Variants in NAV1 observed in about 807,000 individuals in gnomAD.
The protein encoded by NAV1 is neuron navigator 1, also known as pore membrane and/or filament interacting like protein 3.
In NAV1, 18 loss-of-function variants were observed where a neutral mutation model predicts 175.2. That is an observed-to-expected ratio of 0.10 (90% CI 0.07 to 0.15). NAV1 has a LOEUF of 0.15. Among genes scored for constraint, NAV1 ranks in the 10% least tolerant of loss-of-function variants. The pLI is 1.00. For synonymous variants in NAV1, 897 were observed against 978.7 expected (o/e 0.92, Z 1.56); for missense variants, 1,731 against 2,436.6 (o/e 0.71, Z 6.10).
At chr1:201,547,940 C>T (rs535386988) in intron 1 of NAV1, among the ~76,000 whole-genome samples, 118 of 152,064 alleles carry the variant, frequency 7.8e-4, no homozygotes, top group Non-Finnish European at 1.4e-3. Context: ...ATTACGGGCA[C>T]CTGCCACCAT....
At chr1:201,804,400 G>A in intron 16 of NAV1, 89 bp from the exon 21 acceptor site, 1 of 1,339,574 alleles carries the variant, frequency 7.5e-7, no homozygotes, top group Non-Finnish European at 1.0e-6. Context: ...AATGCAGACA[G>A]GTACCAGCTG....
At chr1:201,603,408 G>T (rs750042098) in intron 2 of NAV1, among the ~76,000 whole-genome samples, 1 of 152,208 alleles carries the variant, frequency 6.6e-6, no homozygotes, top group Non-Finnish European at 1.5e-5. Flanking sequence ...AGGAATGGTT[G>T]TTGTACGTTT....
Position 201,642,706 on chromosome 1 carries a change from C to CTTTG in NAV1, c.5-5925_5-5924insGTTT, listed in dbSNP as rs1472461837. Reference sequence around the variant, plus strand: ...TTTCTTCCCTTTCTTCTCTCTCTTTCTTTCTTTCTTTCTTCCCTTCCTTCC... The same window carrying CTTTG: ...TTTCTTCCCTTTCTTCTCTCTCTTTCTTTGTTTCTTTCTTTCTTCCCTTCCTTCC... On this transcript the variant is annotated intron_variant, in intron 2 of 29. Coordinates refer to the NAV1 transcript ENST00000367302. Among the ~76,000 whole-genome samples the CTTTG allele has an allele frequency of 7.4e-3, 1,033 of 139,038 alleles. 12 individuals are homozygous for CTTTG. The highest frequency in any genetic ancestry group is 0.026 in the African/African-American group (970 of 36,922). The allele number at this position is 139,038 out of a possible 152,430, so 91.2% of individuals were successfully genotyped here. A position where few individuals can be genotyped will look rare whatever the true frequency, so the allele number is the denominator to read the frequency against.
At chr1:201,658,824 G>C (rs1174309233) in intron 1 of NAV1, among the ~76,000 whole-genome samples, 1 of 152,226 alleles carries the variant, frequency 6.6e-6, no homozygotes, top group Non-Finnish European at 1.5e-5. Context: ...AGCCTATGCA[G>C]TGCCCACATG....
chr1:201,659,279 C>T (rs568459522), intron 1 of NAV1, among the ~76,000 whole-genome samples: 2 of 152,208 alleles, frequency 1.3e-5, no homozygotes, highest in South Asian at 2.1e-4. Context: ...CTGAAGGAGC[C>T]GGAAGTTGGG....
chr1:201,650,388 G>A (rs1240833962), intron 1 of NAV1, among the ~76,000 whole-genome samples: 1 of 152,234 alleles, frequency 6.6e-6, no homozygotes, highest in Non-Finnish European at 1.5e-5. Context: ...GGGCCCTCTT[G>A]GGGCCACGGA....
chr1:201,603,123 C>G (rs573847413), intron 2 of NAV1, among the ~76,000 whole-genome samples: 36 of 152,296 alleles, frequency 2.4e-4, no homozygotes, highest in African/African-American at 6.0e-4. Flanking sequence ...AGTTAAATTG[C>G]TCTCTGAGTA....
At chr1:201,822,349 C>A (rs539242550) in exon 30 of NAV1, 2 of 152,782 alleles carry the variant, frequency 1.3e-5, no homozygotes, top group South Asian at 4.1e-4. Context: ...TAAACCCTAT[C>A]CTAAGCTCCA....
chr1:201,552,747 G>C (rs1484078916), intron 1 of NAV1, among the ~76,000 whole-genome samples: 1 of 152,136 alleles, frequency 6.6e-6, no homozygotes, highest in Non-Finnish European at 1.5e-5. Flanking sequence ...ATAAATCCTT[G>C]ATCCACCGAA....
chr1:201,586,581 G>A (rs1050716331), intron 1 of NAV1, among the ~76,000 whole-genome samples: 4 of 152,060 alleles, frequency 2.6e-5, no homozygotes, highest in East Asian at 1.9e-4. Flanking sequence ...GCTCACAGGT[G>A]GCTGCCTTCT....
upstream of NAV1, among the ~76,000 whole-genome samples, chr1:201,646,070 C>T (rs553322960): frequency 6.6e-6 from 1 of 152,270 alleles, no homozygotes; most frequent in Admixed American, 6.5e-5. Context: ...GAGCTGGGAC[C>T]TCATGTTTGG....
chr1:201,640,121 C>T lies in NAV1; in HGVS notation c.5-8513C>T, dbSNP rs532069173. ...ACTCCCAGCCTCTAGTTTTCTCTGC[C>T]TCATTTTCCCCAATAGACAGGAAGA... On this transcript the variant is annotated intron_variant, in intron 2 of 29. Transcript: ENST00000367302. 6.1e-4 allele frequency among the ~76,000 whole-genome samples: 93 copies of T among 152,174 alleles called. 1 individual carries two copies. Among genetic ancestry groups the T allele is most frequent in the African/African-American group, 1.6e-3 (68 of 41,510 alleles).
At chr1:201,631,311 G>C (rs1302501733) in intron 2 of NAV1, among the ~76,000 whole-genome samples, 3 of 152,200 alleles carry the variant, frequency 2.0e-5, no homozygotes, top group Non-Finnish European at 4.4e-5. Context: ...GCTCTTCTGA[G>C]CTTGAAGAAA....
intron 2 of NAV1, among the ~76,000 whole-genome samples, chr1:201,642,967 G>A (rs928247444): frequency 1.3e-5 from 2 of 151,556 alleles, no homozygotes; most frequent in African/African-American, 4.9e-5. Context: ...GTAGAGAAGG[G>A]GTTTCACCGT....
upstream of NAV1, among the ~76,000 whole-genome samples, chr1:201,619,342 T>A (rs1383184204): frequency 6.6e-6 from 1 of 151,932 alleles, no homozygotes; most frequent in Non-Finnish European, 1.5e-5. Context: ...TGGAGGACAA[T>A]GTAGGTGAGT....
chr1:201,763,704 C>T (rs548585420), intron 3 of NAV1, among the ~76,000 whole-genome samples: 4 of 152,274 alleles, frequency 2.6e-5, no homozygotes, highest in East Asian at 1.9e-4. Context: ...AAGCTTTAAC[C>T]GACGGCTTGG....
intron 2 of NAV1, among the ~76,000 whole-genome samples, chr1:201,612,753 G>A (rs942490459): frequency 3.3e-5 from 5 of 152,174 alleles, no homozygotes; most frequent in African/African-American, 1.2e-4. Context: ...AGAAATTTTG[G>A]AGAGGACACA....
At chr1:201,759,197 A>G (rs1674690876) in intron 3 of NAV1, among the ~76,000 whole-genome samples, 1 of 152,222 alleles carries the variant, frequency 6.6e-6, no homozygotes, top group Non-Finnish European at 1.5e-5. Context: ...TATAATGTAA[A>G]ATGCATGCCC....
intron 3 of NAV1, among the ~76,000 whole-genome samples, chr1:201,741,149 T>A (rs889221939): frequency 6.6e-6 from 1 of 152,152 alleles, no homozygotes; most frequent in Non-Finnish European, 1.5e-5. Flanking sequence ...CAATTACAAC[T>A]GTGCACACAA....
Sources: gnomAD v4.1 joint callset for allele counts (sites outside exome capture counted in the v4.1 genomes callset) on GRCh38, gnomAD v4.1.1 for gene constraint, MANE v1.5 for transcripts, NCBI Gene and HGNC (gene_info 2026-07-23, HGNC 2026-07-21) for gene names.